Variants in MYT1L observed in about 807,000 individuals in gnomAD.
MYT1L encodes the protein myelin transcription factor 1-like protein.
In MYT1L, 12 loss-of-function variants were observed where a neutral mutation model predicts 126.7. The observed-to-expected ratio is 0.09, with a 90% confidence interval of 0.06 to 0.15. The LOEUF (loss-of-function observed/expected upper bound fraction) is 0.15, where lower values mean the gene tolerates loss of function less well. Among genes scored for constraint, MYT1L ranks in the 10% least tolerant of loss-of-function variants. The pLI is 1.00. For missense variants in MYT1L, 979 were observed against 1,585.2 expected (o/e 0.62, Z 6.49); for synonymous variants, 541 against 604.2 (o/e 0.90, Z 1.53).
intron 2 of MYT1L, among the ~76,000 whole-genome samples, chr2:2,197,612 C>A (rs951704359): frequency 1.3e-5 from 2 of 150,382 alleles, no homozygotes; most frequent in South Asian, 4.2e-4. Context: ...CATATACACA[C>A]GTATATACAC....
At chr2:1,919,247 C>T (rs1250594640) in intron 10 of MYT1L, among the ~76,000 whole-genome samples, 1 of 152,182 alleles carries the variant, frequency 6.6e-6, no homozygotes, top group Non-Finnish European at 1.5e-5. Flanking sequence ...AGTCTCCTCT[C>T]GATGCATGAG....
intron 18 of MYT1L, among the ~76,000 whole-genome samples, chr2:1,872,874 T>C (rs1463561803): frequency 1.3e-5 from 2 of 152,196 alleles, no homozygotes; most frequent in African/African-American, 2.4e-5. Context: ...AATTTTATAA[T>C]CATGACCTCT....
chr2:2,253,756 G>A (rs540764928), intron 2 of MYT1L, among the ~76,000 whole-genome samples: 488 of 139,872 alleles, frequency 3.5e-3, no homozygotes, highest in African/African-American at 0.013. Flanking sequence ...GGGGCAGGAG[G>A]GCAAGTCGGA....
intron 2 of MYT1L, among the ~76,000 whole-genome samples, chr2:2,267,478 G>A (rs886203145): frequency 3.3e-5 from 5 of 152,298 alleles, no homozygotes; most frequent in African/African-American, 1.2e-4. Context: ...AGCGGATGTG[G>A]CGATACACCA....
chr2:2,218,651 A>T (rs1003760417), intron 2 of MYT1L, among the ~76,000 whole-genome samples: 14 of 152,160 alleles, frequency 9.2e-5, no homozygotes, highest in African/African-American at 3.4e-4. Context: ...ATGCATGGGG[A>T]TCTACACACA....
chr2:2,240,259 C>G (rs975454264), intron 2 of MYT1L, among the ~76,000 whole-genome samples: 1 of 152,116 alleles, frequency 6.6e-6, no homozygotes. Context: ...TAGCATTGTG[C>G]TCCAGCCTGG....
At chr2:2,164,144 T>C (rs1281462118) in intron 3 of MYT1L, among the ~76,000 whole-genome samples, 1 of 152,194 alleles carries the variant, frequency 6.6e-6, no homozygotes, top group Admixed American at 6.5e-5. Context: ...GATTTGATTG[T>C]GGTGATGCAG....
intron 2 of MYT1L, among the ~76,000 whole-genome samples, chr2:2,260,243 C>A (rs905219092): frequency 6.6e-6 from 1 of 152,172 alleles, no homozygotes; most frequent in African/African-American, 2.4e-5. Flanking sequence ...GCCTCCGTGA[C>A]CCCATCTGTG....
At chr2:1,861,530 T>C (rs1353976878) in intron 18 of MYT1L, among the ~76,000 whole-genome samples, 5 of 151,572 alleles carry the variant, frequency 3.3e-5, no homozygotes, top group African/African-American at 1.2e-4. Flanking sequence ...GCCCTTAACT[T>C]CTCTCATAGG....
chr2:2,289,159 G>C (rs550070391), intron 1 of MYT1L, among the ~76,000 whole-genome samples: 4 of 152,314 alleles, frequency 2.6e-5, no homozygotes, highest in South Asian at 4.1e-4. Context: ...AGAGGGTGAT[G>C]CCTGTCCCTT....
chr2:1,792,378 C>T lies in MYT1L; in HGVS notation c.3363G>A (p.Leu1121=). Residue 1121 remains leucine, a synonymous_variant, in exon 24 of 25, where the codon CTG becomes CTA. Transcript: ENST00000647738. ...EQQNESLLHE[L]ANLSQSLIHS... is the part of the protein sequence containing the mutation. Reference sequence around the variant, plus strand: ...GGATCAGAGACTGGCTCAGGTTCGCCAGCTCGTGGAGGAGAGACTCGTTCT... The same window carrying T: ...GGATCAGAGACTGGCTCAGGTTCGCTAGCTCGTGGAGGAGAGACTCGTTCT... 6.2e-7 allele frequency: 1 copy of T among 1,611,324 alleles called. No homozygotes were observed. The highest frequency in any genetic ancestry group is 8.5e-7 in the Non-Finnish European group (1 of 1,178,820).
At chr2:1,989,845 A>C (rs1487885539) in intron 5 of MYT1L, among the ~76,000 whole-genome samples, 1 of 152,094 alleles carries the variant, frequency 6.6e-6, no homozygotes, top group Non-Finnish European at 1.5e-5. Flanking sequence ...CAAAAATACA[A>C]AAGTTAGCTG....
chr2:2,180,083 C>G (rs1413698610), intron 2 of MYT1L, among the ~76,000 whole-genome samples: 7 of 152,128 alleles, frequency 4.6e-5, no homozygotes, highest in Non-Finnish European at 1.0e-4. Context: ...CTGTTGTTAT[C>G]AAAGAAACTA....
chr2:2,092,123 A>C (rs2076968558), intron 3 of MYT1L, among the ~76,000 whole-genome samples: 1 of 152,200 alleles, frequency 6.6e-6, no homozygotes, highest in African/African-American at 2.4e-5. Context: ...CAAGAAATCT[A>C]GCTTTTGACC....
At chr2:2,231,042 G>T (rs984759337) in intron 2 of MYT1L, among the ~76,000 whole-genome samples, 4 of 152,144 alleles carry the variant, frequency 2.6e-5, no homozygotes, top group Non-Finnish European at 5.9e-5. Context: ...CATAGCAAAG[G>T]TGCTTCGCAA....
intron 9 of MYT1L, among the ~76,000 whole-genome samples, chr2:1,933,507 T>C (rs2055309898): frequency 6.6e-6 from 1 of 152,208 alleles, no homozygotes; most frequent in Non-Finnish European, 1.5e-5. Flanking sequence ...ACTGAACAAT[T>C]TTGGATTCAA....
At chr2:2,271,795 C>A (rs1013073158) in intron 2 of MYT1L, among the ~76,000 whole-genome samples, 7 of 152,152 alleles carry the variant, frequency 4.6e-5, no homozygotes, top group Admixed American at 4.6e-4. Flanking sequence ...GACAAGGATG[C>A]CATGCCCATG....
intron 21 of MYT1L, chr2:1,809,745 T>G (rs547145135): frequency 6.5e-6 from 1 of 152,742 alleles, no homozygotes; most frequent in African/African-American, 2.4e-5. Flanking sequence ...TTTTCTAGTA[T>G]CAGCAGCTAT....
At chr2:2,312,945 A>T (rs2095999964) in intron 1 of MYT1L, among the ~76,000 whole-genome samples, 1 of 152,156 alleles carries the variant, frequency 6.6e-6, no homozygotes, top group African/African-American at 2.4e-5. Context: ...TTGATGAATT[A>T]GCTGATGGTT....
Sources: gnomAD v4.1 joint callset for allele counts (sites outside exome capture counted in the v4.1 genomes callset) on GRCh38, gnomAD v4.1.1 for gene constraint, MANE v1.5 for transcripts, NCBI Gene and HGNC (gene_info 2026-07-23, HGNC 2026-07-21) for gene names.